ZNF678: variants seen among roughly 807,000 people sequenced by gnomAD.
ZNF678 encodes the protein zinc finger protein 678, also known as hypothetical protein MGC42493.
Under a neutral mutation model 3.0 loss-of-function variants are expected in ZNF678, and 5 were observed. The ratio of observed to expected loss-of-function variants is 1.69; its 90% CI spans 0.88 to 3.56. The LOEUF (loss-of-function observed/expected upper bound fraction) is 3.56. Among genes scored for constraint, ZNF678 ranks in the 30% most tolerant of loss-of-function variants. The probability of loss-of-function intolerance (pLI) is 0.00; values close to 1 mark genes in which losing one functional copy is unlikely to be tolerated. For missense variants in ZNF678, 593 were observed against 605.0 expected (o/e 0.98, Z 0.21); for synonymous variants, 218 against 199.6 (o/e 1.09, Z -0.78).
At chr1:227,603,537 C>T (rs1204861467) in intron 1 of ZNF678, among the ~76,000 whole-genome samples, 6 of 152,118 alleles carry the variant, frequency 3.9e-5, no homozygotes, top group African/African-American at 1.2e-4. Context: ...CCACTGGGCC[C>T]GACTCCAGGT....
At chr1:227,584,691 A>T (rs746609841) in intron 1 of ZNF678, among the ~76,000 whole-genome samples, 1 of 152,248 alleles carries the variant, frequency 6.6e-6, no homozygotes, top group Non-Finnish European at 1.5e-5. Context: ...TACAGACAGT[A>T]TGGATAAGTA....
intron 1 of ZNF678, among the ~76,000 whole-genome samples, chr1:227,635,122 C>A (rs887991958): frequency 6.6e-6 from 1 of 151,244 alleles, no homozygotes; most frequent in Non-Finnish European, 1.5e-5. Context: ...AAGTTGAATA[C>A]GTAAGTGAAG....
intron 1 of ZNF678, among the ~76,000 whole-genome samples, chr1:227,622,401 A>G (rs1217474876): frequency 6.6e-6 from 1 of 152,198 alleles, no homozygotes; most frequent in Non-Finnish European, 1.5e-5. Context: ...TATGCCTGGA[A>G]TTCATTCTCT....
At chr1:227,629,426 T>C (rs2102778895) in intron 1 of ZNF678, among the ~76,000 whole-genome samples, 1 of 152,352 alleles carries the variant, frequency 6.6e-6, no homozygotes, top group Middle Eastern at 3.4e-3. Flanking sequence ...TCAGGCATAA[T>C]TAGAAAGGCA....
downstream of ZNF678, among the ~76,000 whole-genome samples, chr1:227,665,731 TA>T (rs1463746198): frequency 2.0e-5 from 3 of 152,262 alleles, no homozygotes; most frequent in African/African-American, 7.2e-5. Flanking sequence ...AAGCTATTAA[TA>T]TTTTTTGTGA....
In ZNF678 at chr1:227,627,090, G is replaced by A. The variant is rs188653914; in HGVS notation, c.-163-19454G>A. On this transcript the variant is annotated intron_variant, in intron 1 of 3. Transcript: ENST00000343776. ...CTTTTTTCTCCTGAAGGAGCTTGGC[G>A]ATAAGGCAGGGGATTATTTCTTTGG... Among the ~76,000 whole-genome samples the A allele has an allele frequency of 4.7e-5, 7 of 149,936 alleles. 1 individual carries two copies. The highest frequency in any genetic ancestry group is 4.3e-4 in the South Asian group (2 of 4,608).
intron 2 of ZNF678, 27 bp downstream of exon 2, chr1:227,646,697 A>G: frequency 7.3e-7 from 1 of 1,365,416 alleles, no homozygotes; most frequent in Non-Finnish European, 9.8e-7. Flanking sequence ...TACACAATTT[A>G]TGTATTTCAT....
downstream of ZNF678, among the ~76,000 whole-genome samples, chr1:227,665,732 ATTTT>A (rs1353493685): frequency 6.6e-6 from 1 of 152,202 alleles, no homozygotes; most frequent in African/African-American, 2.4e-5. Flanking sequence ...AGCTATTAAT[ATTTT>A]TTGTGAACTA....
In ZNF678 at chr1:227,654,891, G is replaced by A. The variant is rs969743683; in HGVS notation, c.641G>A (p.Cys214Tyr). The change falls in exon 4 of 4, where the codon TGT (cysteine) becomes TAT (tyrosine). Residue 214 changes from cysteine to tyrosine, a missense_variant. Coordinates refer to ENST00000343776, the MANE Select transcript of ZNF678 (RefSeq NM_001367909.1). ...GAGAAACCATACCCATGTGAAGAAT[G>A]TGGCAAAGCCTTTACCCAGTTCTCA... ...SGEKPYPCEE[C>Y]GKAFTQFSNL... 1.2e-6 allele frequency: 2 copies of A among 1,608,714 alleles called. No homozygotes were observed. Among genetic ancestry groups the A allele is most frequent in the Non-Finnish European group, 1.7e-6 (2 of 1,179,044 alleles).
chr1:227,663,015 GC>G (rs576109751), downstream of ZNF678, among the ~76,000 whole-genome samples: 1 of 152,122 alleles, frequency 6.6e-6, no homozygotes, highest in South Asian at 2.1e-4. Flanking sequence ...ATTGGAGTGA[GC>G]CCTAATCCAA....
chr1:227,664,879 A>T (rs951687902), downstream of ZNF678, among the ~76,000 whole-genome samples: 3 of 152,052 alleles, frequency 2.0e-5, no homozygotes, highest in African/African-American at 7.2e-5. Flanking sequence ...CTCCTTGCCT[A>T]TACACAGTTA....
chr1:227,592,027 A>C (rs911376348), intron 1 of ZNF678, among the ~76,000 whole-genome samples: 1 of 152,206 alleles, frequency 6.6e-6, no homozygotes, highest in African/African-American at 2.4e-5. Context: ...AGCTGCTCCC[A>C]TCCACGTACA....
downstream of ZNF678, among the ~76,000 whole-genome samples, chr1:227,663,089 C>G (rs556620181): frequency 6.6e-6 from 1 of 152,218 alleles, no homozygotes; most frequent in East Asian, 1.9e-4. Flanking sequence ...CCTGTGAACA[C>G]AGCAATGGAA....
chr1:227,623,263 G>A (rs1396765164), intron 1 of ZNF678, among the ~76,000 whole-genome samples: 2 of 152,216 alleles, frequency 1.3e-5, no homozygotes, highest in African/African-American at 4.8e-5. Flanking sequence ...GTGAATAATA[G>A]CACTGTCTAT....
At chr1:227,648,453 A>G (rs1659010865) in intron 2 of ZNF678, among the ~76,000 whole-genome samples, 1 of 152,212 alleles carries the variant, frequency 6.6e-6, no homozygotes, top group South Asian at 2.1e-4. Context: ...GAGAATTCCT[A>G]ATGTCTACTG....
intron 1 of ZNF678, among the ~76,000 whole-genome samples, chr1:227,615,076 A>T (rs754828322): frequency 1.3e-5 from 2 of 152,230 alleles, no homozygotes; most frequent in African/African-American, 2.4e-5. Flanking sequence ...ATAGTACAGA[A>T]ACATCTTAAT....
intron 5 of ZNF678, among the ~76,000 whole-genome samples, chr1:227,674,007 C>A (rs1197009567): frequency 6.6e-6 from 1 of 151,728 alleles, no homozygotes; most frequent in African/African-American, 2.4e-5. Flanking sequence ...TTTTTAAGAC[C>A]AGAACTTAAG....
At chr1:227,568,489 G>A (rs1656755340) in intron 1 of ZNF678, among the ~76,000 whole-genome samples, 1 of 152,094 alleles carries the variant, frequency 6.6e-6, no homozygotes. Flanking sequence ...ATAAAGGATG[G>A]GGAATTTCTT....
chr1:227,627,258 C>G (rs896080265), intron 1 of ZNF678, among the ~76,000 whole-genome samples: 1 of 151,934 alleles, frequency 6.6e-6, no homozygotes, highest in African/African-American at 2.4e-5. Flanking sequence ...CATTGGTTAG[C>G]TGCAGGCAAA....
Sources: allele counts gnomAD v4.1 joint callset (sites outside exome capture counted in the v4.1 genomes callset), GRCh38; gene constraint gnomAD v4.1.1; transcripts MANE v1.5; gene names NCBI Gene and HGNC (gene_info 2026-07-23, HGNC 2026-07-21).